HSD17B6: variants seen among roughly 807,000 people sequenced by gnomAD.
HSD17B6 encodes 17-beta-hydroxysteroid dehydrogenase type 6.
In HSD17B6, 16 loss-of-function variants were observed where a neutral mutation model predicts 26.4. The observed-to-expected ratio is 0.61, with a 90% CI of 0.41 to 0.92. HSD17B6 has a LOEUF of 0.92. Ranked by LOEUF, HSD17B6 falls within the 40% of genes least tolerant of loss-of-function variation. The pLI, the probability that HSD17B6 is intolerant of heterozygous loss-of-function variation, is 0.00. For missense variants in HSD17B6, 357 were observed against 386.1 expected (o/e 0.92, Z 0.63); for synonymous variants, 139 against 153.0 (o/e 0.91, Z 0.68).
At chr12:56,779,619 C>A (rs1164833483) in intron 2 of HSD17B6, among the ~76,000 whole-genome samples, 1 of 152,098 alleles carries the variant, frequency 6.6e-6, no homozygotes, top group African/African-American at 2.4e-5. Flanking sequence ...ATTTTAAGTG[C>A]ATATGTGGTT....
chr12:56,778,363 C>T (rs1954636600), intron 2 of HSD17B6, among the ~76,000 whole-genome samples: 1 of 152,172 alleles, frequency 6.6e-6, no homozygotes, highest in African/African-American at 2.4e-5. Flanking sequence ...TCTCAGCTCA[C>T]TGCAGCCTCT....
intron 3 of HSD17B6, among the ~76,000 whole-genome samples, chr12:56,784,015 G>A (rs1651916659): frequency 6.6e-6 from 1 of 151,960 alleles, no homozygotes; most frequent in South Asian, 2.1e-4. Flanking sequence ...CGGCTGGGCC[G>A]AGGCGCTCCT....
chr12:56,787,239 G>C lies in HSD17B6; in HGVS notation c.851G>C (p.Gly284Ala). 1 of 1,614,068 alleles carries C rather than the reference G, an allele frequency of 6.2e-7. No individual in the cohort carries two copies. Among genetic ancestry groups the C allele is most frequent in the Non-Finnish European group, 8.5e-7 (1 of 1,179,928 alleles). Residue 284 changes from glycine to alanine, a missense_variant, in exon 5 of 5, where the codon GGC becomes GCC. Transcript: ENST00000322165. ...CATCCGCGAACTCGATATTCAGCTG[G>C]CTGGGATGCTAAATTTTTCTTCATC... The part of the protein sequence containing the change: ...SVHPRTRYSA[G>A]WDAKFFFIPL...
At chr12:56,776,105 TA>T (rs1738429267) in intron 2 of HSD17B6, among the ~76,000 whole-genome samples, 1 of 151,990 alleles carries the variant, frequency 6.6e-6, no homozygotes, top group Non-Finnish European at 1.5e-5. Context: ...TTTATATTTT[TA>T]GTAGAGATGG....
intron 1 of HSD17B6, among the ~76,000 whole-genome samples, chr12:56,767,846 AAT>A (rs369737760): frequency 1.1e-3 from 160 of 148,114 alleles, no homozygotes; most frequent in East Asian, 5.7e-3. Flanking sequence ...TATATATAAA[AAT>A]ATATGTGTGT....
intron 3 of HSD17B6, among the ~76,000 whole-genome samples, chr12:56,783,118 G>A (rs1457629079): frequency 3.3e-5 from 5 of 152,122 alleles, no homozygotes; most frequent in East Asian, 3.9e-4. Flanking sequence ...CCACAAAACC[G>A]CCATCGTCAT....
rs2137940961 is a variant in HSD17B6 at position 56,787,771 on chromosome 12, T to C, written c.*429T>C. The C allele has an allele frequency of 6.5e-6, 1 of 152,996 alleles. No individual in the cohort carries two copies. Among genetic ancestry groups the C allele is most frequent in the Non-Finnish European group, 1.5e-5 (1 of 68,530 alleles). 9.5% of individuals were successfully genotyped at this position (152,996 alleles called of 1,614,324 possible). ...TGTATTATGGTACTTTTAATAAATA[T>C]TTGATTTTTCTTTCTCTTCTCTTTT... On this transcript the variant is annotated 3_prime_UTR_variant, in exon 5 of 5. Coordinates refer to ENST00000322165, the MANE Select transcript of HSD17B6 (RefSeq NM_003725.4).
At chr12:56,770,663 T>C (rs1954450679) in intron 1 of HSD17B6, 1 of 152,182 alleles carries the variant, frequency 6.6e-6, no homozygotes, top group Non-Finnish European at 1.5e-5. Flanking sequence ...TGCAGACTAA[T>C]ATGTAACCTG....
chr12:56,779,006 C>G (rs535362179), intron 2 of HSD17B6, among the ~76,000 whole-genome samples: 29 of 152,154 alleles, frequency 1.9e-4, no homozygotes, highest in African/African-American at 6.5e-4. Flanking sequence ...CTTATACTTT[C>G]AACTTTTCTG....
intron 4 of HSD17B6, among the ~76,000 whole-genome samples, chr12:56,786,310 C>T (rs939723897): frequency 2.1e-5 from 3 of 144,504 alleles, no homozygotes; most frequent in Non-Finnish European, 4.5e-5. Flanking sequence ...AGTGCAGTGG[C>T]GTGATCTTGG....
At chr12:56,781,614 C>T (rs1398576700) in intron 2 of HSD17B6, among the ~76,000 whole-genome samples, 1 of 152,030 alleles carries the variant, frequency 6.6e-6, no homozygotes, top group Admixed American at 6.6e-5. Context: ...CCATCCTAGC[C>T]AACATGGTGA....
chr12:56,772,658 T>C (rs1309338283), intron 1 of HSD17B6, among the ~76,000 whole-genome samples: 4 of 149,112 alleles, frequency 2.7e-5, no homozygotes, highest in African/African-American at 7.5e-5. Context: ...GATTGCGCCA[T>C]TGCACTCCAG....
At chr12:56,772,566 C>T (rs550327566) in intron 1 of HSD17B6, among the ~76,000 whole-genome samples, 2 of 151,778 alleles carry the variant, frequency 1.3e-5, no homozygotes, top group South Asian at 2.1e-4. Flanking sequence ...CTTGGTGGCA[C>T]GTGCCTGTAA....
At chr12:56,785,953 A>G in intron 4 of HSD17B6, 4 of 985,274 alleles carry the variant, frequency 4.1e-6, no homozygotes, top group Non-Finnish European at 4.8e-6. Context: ...TAAGAATATT[A>G]TTCTGAAGAC....
intron 1 of HSD17B6, among the ~76,000 whole-genome samples, chr12:56,766,301 G>A (rs560125188): frequency 1.3e-4 from 20 of 152,250 alleles, no homozygotes; most frequent in African/African-American, 4.3e-4. Flanking sequence ...TCTCTTCACT[G>A]GGACGCGTGT....
chr12:56,778,674 C>CTTTT (rs1159153527), intron 2 of HSD17B6, among the ~76,000 whole-genome samples: 4 of 122,964 alleles, frequency 3.3e-5, no homozygotes, highest in Non-Finnish European at 6.9e-5. Flanking sequence ...GAGTCTTTTT[C>CTTTT]TTTTTTTTTT....
chr12:56,782,187 A>C lies in HSD17B6; in HGVS notation c.527A>C (p.Tyr176Ser). The C allele has an allele frequency of 6.2e-7, 1 of 1,614,172 alleles. No homozygotes were observed. The highest frequency in any genetic ancestry group is 8.5e-7 in the Non-Finnish European group (1 of 1,180,000). The change falls in exon 3 of 5, where the codon TAC becomes TCC. Residue 176 changes from tyrosine (Y) to serine (S), a missense_variant. Coordinates refer to ENST00000322165, the MANE Select transcript of HSD17B6 (RefSeq NM_003725.4). ...AGAGTTGCTTTCTTTGTAGGAGGCT[A>C]CTGTGTCTCCAAGTATGGAGTGGAA... ...LGRVAFFVGG[Y>S]CVSKYGVEAF...
intron 1 of HSD17B6, among the ~76,000 whole-genome samples, chr12:56,767,690 G>A (rs1478665674): frequency 7.1e-6 from 1 of 141,246 alleles, no homozygotes; most frequent in African/African-American, 2.6e-5. Flanking sequence ...ATACACAATA[G>A]AGGGTATATT....
intron 1 of HSD17B6, among the ~76,000 whole-genome samples, chr12:56,764,946 T>C (rs920031479): frequency 2.0e-5 from 3 of 152,092 alleles, no homozygotes; most frequent in African/African-American, 7.2e-5. Context: ...TGCCTCAGCC[T>C]CCTGAGTAGC....
Sources: allele counts gnomAD v4.1 joint callset (sites outside exome capture counted in the v4.1 genomes callset), GRCh38; gene constraint gnomAD v4.1.1; transcripts MANE v1.5; gene names NCBI Gene and HGNC (gene_info 2026-07-23, HGNC 2026-07-21).